The following FOXO1 variants were observed in gnomAD, a reference collection of about 807,000 sequenced individuals.
FOXO1 encodes forkhead box protein O1.
In FOXO1, 6 loss-of-function variants were observed where a neutral mutation model predicts 44.1. The ratio of observed to expected loss-of-function variants is 0.14; its 90% CI spans 0.07 to 0.27. FOXO1 has a LOEUF of 0.27. FOXO1 is among the 10% of genes least tolerant of loss of function. FOXO1 has a pLI of 1.00. For synonymous variants in FOXO1, 380 were observed against 362.7 expected, an observed-to-expected ratio of 1.05 and a Z score of -0.54; for missense variants, 737 against 888.8, an observed-to-expected ratio of 0.83 and a Z score of 2.17.
At chr13:40,654,320 AC>A (rs1877782282) in intron 1 of FOXO1, among the ~76,000 whole-genome samples, 2 of 97,152 alleles carry the variant, frequency 2.1e-5, no homozygotes, top group African/African-American at 4.3e-5. Flanking sequence ...TACTAAAAAT[AC>A]TAAAAAAAAA....
intron 1 of FOXO1, among the ~76,000 whole-genome samples, chr13:40,602,508 A>G (rs1875847894): frequency 6.6e-6 from 1 of 152,220 alleles, no homozygotes; most frequent in African/African-American, 2.4e-5. Flanking sequence ...GAAGATACAT[A>G]ATCAATGTAC....
chr13:40,592,016 A>T (rs1388833495), intron 1 of FOXO1, among the ~76,000 whole-genome samples: 1 of 152,116 alleles, frequency 6.6e-6, no homozygotes, highest in East Asian at 1.9e-4. Context: ...CCTATTAGAA[A>T]TTTTTTGTTT....
chr13:40,633,019 A>G (rs1470080576), intron 1 of FOXO1, among the ~76,000 whole-genome samples: 1 of 152,276 alleles, frequency 6.6e-6, no homozygotes, highest in Non-Finnish European at 1.5e-5. Flanking sequence ...GATGCTTAAC[A>G]TTATTTAGCA....
chr13:40,645,874 C>G (rs1877491499), intron 1 of FOXO1, among the ~76,000 whole-genome samples: 1 of 152,040 alleles, frequency 6.6e-6, no homozygotes, highest in African/African-American at 2.4e-5. Flanking sequence ...TGAGACCAGC[C>G]TGACAAACAT....
At chr13:40,614,531 G>A (rs1876346537) in intron 1 of FOXO1, among the ~76,000 whole-genome samples, 1 of 152,158 alleles carries the variant, frequency 6.6e-6, no homozygotes, top group African/African-American at 2.4e-5. Context: ...TGAGGGGACA[G>A]CAAATCTTCA....
At chr13:40,616,685 G>C (rs1208325302) in intron 1 of FOXO1, among the ~76,000 whole-genome samples, 2 of 152,188 alleles carry the variant, frequency 1.3e-5, no homozygotes, top group Non-Finnish European at 2.9e-5. Context: ...ATACAAGAGG[G>C]AGACGAAGTT....
intron 1 of FOXO1, among the ~76,000 whole-genome samples, chr13:40,578,991 G>A (rs1253664322): frequency 6.6e-6 from 1 of 152,168 alleles, no homozygotes; most frequent in Non-Finnish European, 1.5e-5. Flanking sequence ...GTGGTAATGA[G>A]GAAGAAAATC....
In FOXO1 at chr13:40,558,188, C is replaced by T. The variant is rs1300230444; in HGVS notation, c.*861G>A. ...AATGCTGCCCCAAATACCTGTGGTTCCACAAAATTTACAAGCTGACTATGT... is the reference window on the plus strand; with the variant it reads ...AATGCTGCCCCAAATACCTGTGGTTTCACAAAATTTACAAGCTGACTATGT... On this transcript the variant is annotated 3_prime_UTR_variant, in exon 3 of 3. Transcript: ENST00000379561. The T allele has an allele frequency of 6.6e-6, 1 of 152,532 alleles. No homozygotes were observed. Among genetic ancestry groups the T allele is most frequent in the Non-Finnish European group, 1.5e-5 (1 of 68,018 alleles). The allele number at this position is 152,532 out of a possible 1,614,324, so 9.4% of individuals were successfully genotyped here. A position where few individuals can be genotyped will look rare whatever the true frequency, so the allele number is the denominator to read the frequency against.
At chr13:40,566,612 T>A (rs1874278193) in intron 1 of FOXO1, among the ~76,000 whole-genome samples, 1 of 152,116 alleles carries the variant, frequency 6.6e-6, no homozygotes, top group Non-Finnish European at 1.5e-5. Flanking sequence ...ACTCCTGACC[T>A]CGTGATCTGC....
intron 1 of FOXO1, among the ~76,000 whole-genome samples, chr13:40,561,360 A>AAG (rs1874010609): frequency 6.6e-6 from 1 of 151,676 alleles, no homozygotes; most frequent in Non-Finnish European, 1.5e-5. Context: ...TCAAAAAAAA[A>AAG]AAAAAAAAAA....
chr13:40,609,129 C>T (rs1876131194), intron 1 of FOXO1, among the ~76,000 whole-genome samples: 2 of 152,140 alleles, frequency 1.3e-5, no homozygotes, highest in Admixed American at 1.3e-4. Flanking sequence ...GTCATTAAAA[C>T]TACTCAAATT....
intron 1 of FOXO1, among the ~76,000 whole-genome samples, chr13:40,604,149 C>G (rs1875912796): frequency 6.7e-6 from 1 of 148,750 alleles, no homozygotes; most frequent in Non-Finnish European, 1.5e-5. Context: ...TTGAATGTGA[C>G]AGAATTAGCC....
chr13:40,585,258 G>A (rs1004837457), intron 1 of FOXO1, among the ~76,000 whole-genome samples: 4 of 151,932 alleles, frequency 2.6e-5, no homozygotes, highest in African/African-American at 9.7e-5. Flanking sequence ...AAGAGAATAA[G>A]GAATGTCAAC....
intron 1 of FOXO1, among the ~76,000 whole-genome samples, chr13:40,578,253 C>A (rs1874834896): frequency 1.3e-5 from 2 of 152,150 alleles, no homozygotes; most frequent in African/African-American, 4.8e-5. Context: ...AAGTCCATCC[C>A]TAAGCCAATA....
chr13:40,622,328 G>T, intron 1 of FOXO1, among the ~76,000 whole-genome samples: 1 of 152,166 alleles, frequency 6.6e-6, no homozygotes, highest in Middle Eastern at 3.2e-3. Context: ...TTAAGAGAAT[G>T]CAGTTTATAT....
At chr13:40,643,885 G>A (rs1160022844) in intron 1 of FOXO1, among the ~76,000 whole-genome samples, 1 of 152,148 alleles carries the variant, frequency 6.6e-6, no homozygotes, top group Non-Finnish European at 1.5e-5. Flanking sequence ...CTTCCCAGCA[G>A]TATCATTATC....
intron 1 of FOXO1, chr13:40,619,657 T>C (rs1593403017): frequency 6.5e-7 from 1 of 1,533,194 alleles, no homozygotes; most frequent in East Asian, 2.3e-5. Flanking sequence ...CTCAGTGAAT[T>C]TCAATGGTGG....
At chr13:40,607,092 T>C (rs1424672464) in intron 1 of FOXO1, among the ~76,000 whole-genome samples, 2 of 152,122 alleles carry the variant, frequency 1.3e-5, no homozygotes, top group East Asian at 3.9e-4. Context: ...TCCCCACTCC[T>C]CAATCAAGAC....
Position 40,595,938 on chromosome 13 carries a change from AT to A in FOXO1, c.631-35079del, listed in dbSNP as rs71080387. On this transcript the variant is annotated intron_variant, in intron 1 of 2. Transcript: ENST00000379561. ...GTAGGCCCTGTAGAAATGTCAGCTA[AT>A]TTTTTTTTTTTTTTTTTTTGCGGGA... Among the ~76,000 whole-genome samples the A allele has an allele frequency of 4.8e-3, 628 of 130,828 alleles. 2 individuals are homozygous for A. Among genetic ancestry groups the A allele is most frequent in the Middle Eastern group, 0.023 (6 of 262 alleles). The allele number at this position is 130,828 out of a possible 152,430, so 85.8% of individuals were successfully genotyped here. A position where few individuals can be genotyped will look rare whatever the true frequency, so the allele number is the denominator to read the frequency against.
Sources: gnomAD v4.1 joint callset for allele counts (sites outside exome capture counted in the v4.1 genomes callset) on GRCh38, gnomAD v4.1.1 for gene constraint, MANE v1.5 for transcripts, NCBI Gene and HGNC (gene_info 2026-07-23, HGNC 2026-07-21) for gene names.